The following FOXP1 variants were observed in gnomAD, a reference collection of about 807,000 sequenced individuals.
FOXP1 encodes the protein forkhead box P1, also known as forkhead box protein P1.
In FOXP1, 15 loss-of-function variants were observed where a neutral mutation model predicts 98.2. The ratio of observed to expected loss-of-function variants is 0.15; its 90% CI spans 0.10 to 0.24. The LOEUF (loss-of-function observed/expected upper bound fraction) is 0.24. FOXP1 is among the 10% of genes least tolerant of loss of function. The probability of loss-of-function intolerance (pLI) is 1.00; values close to 1 mark genes in which losing one functional copy is unlikely to be tolerated. For synonymous variants in FOXP1, 371 were observed against 314.5 expected (o/e 1.18, Z -1.90); for missense variants, 633 against 848.5 (o/e 0.75, Z 3.15).
intron 3 of FOXP1, among the ~76,000 whole-genome samples, chr3:71,468,056 A>G (rs1417856940): frequency 6.6e-6 from 1 of 152,176 alleles, no homozygotes; most frequent in Non-Finnish European, 1.5e-5. Context: ...TAAATATAAG[A>G]TCAAGATACC....
intron 5 of FOXP1, among the ~76,000 whole-genome samples, chr3:71,282,130 T>TGAA (rs2071636554): frequency 6.6e-6 from 1 of 151,704 alleles, no homozygotes; most frequent in Non-Finnish European, 1.5e-5. Flanking sequence ...CAAAGCTAAG[T>TGAA]GAAGATAAGC....
chr3:71,273,365 G>T (rs993645140), intron 5 of FOXP1, among the ~76,000 whole-genome samples: 1 of 152,102 alleles, frequency 6.6e-6, no homozygotes, highest in African/African-American at 2.4e-5. Flanking sequence ...CACTGTAACC[G>T]AATTGGACTC....
At chr3:71,024,481 A>G (rs1048706078) in intron 11 of FOXP1, among the ~76,000 whole-genome samples, 1 of 152,200 alleles carries the variant, frequency 6.6e-6, no homozygotes, top group Non-Finnish European at 1.5e-5. Context: ...ATTAAAGCCT[A>G]TTAAAGGGCC....
chr3:71,280,981 C>T lies in FOXP1; in HGVS notation c.-12+18839G>A, dbSNP rs114659315. 6.1e-3 allele frequency among the ~76,000 whole-genome samples: 905 copies of T among 147,514 alleles called. 4 individuals carry two copies. Among genetic ancestry groups the T allele is most frequent in the African/African-American group, 0.021 (849 of 39,774 alleles). On this transcript the variant is annotated intron_variant, in intron 5 of 20. Coordinates refer to ENST00000649528, the MANE Select transcript of FOXP1 (RefSeq NM_001349338.3). ...ATATACGAAGCAGCCCTTTCTAATTCCTTGTTAAAAAGGACAGATCCTACC... is the reference window on the plus strand; with the variant it reads ...ATATACGAAGCAGCCCTTTCTAATTTCTTGTTAAAAAGGACAGATCCTACC...
At chr3:71,334,009 G>A (rs1193684951) in intron 4 of FOXP1, 1 of 151,990 alleles carries the variant, frequency 6.6e-6, no homozygotes. Context: ...AAACTAGAAG[G>A]TTAAAATGAA....
intron 6 of FOXP1, among the ~76,000 whole-genome samples, chr3:71,164,275 C>A (rs1236665319): frequency 6.6e-6 from 1 of 152,142 alleles, no homozygotes; most frequent in African/African-American, 2.4e-5. Context: ...TCTCGGCTCA[C>A]TGCAAGCTCC....
intron 5 of FOXP1, among the ~76,000 whole-genome samples, chr3:71,282,974 G>T (rs2071723851): frequency 6.6e-6 from 1 of 152,150 alleles, no homozygotes; most frequent in Admixed American, 6.5e-5. Flanking sequence ...TGTTTTGAAA[G>T]GGTGGTAGCA....
rs9829852 is a variant in FOXP1 at position 71,395,617 on chromosome 3, T to C, written c.-167-36373A>G. 4.9e-3 allele frequency among the ~76,000 whole-genome samples: 747 copies of C among 152,260 alleles called. 9 individuals are homozygous for C. The highest frequency in any genetic ancestry group is 0.017 in the African/African-American group (693 of 41,538). ...AGCACTTTCCTCTGATACTGTTCTT[T>C]GTTGTTTGTTTAGTATCTGTACCCT... On this transcript the variant is annotated intron_variant, in intron 3 of 20. Coordinates refer to ENST00000649528, the MANE Select transcript of FOXP1 (RefSeq NM_001349338.3).
At chr3:71,150,269 T>C (rs1016148914) in intron 6 of FOXP1, among the ~76,000 whole-genome samples, 2 of 152,202 alleles carry the variant, frequency 1.3e-5, no homozygotes, top group East Asian at 3.8e-4. Flanking sequence ...AATGCATGCA[T>C]CTCTATTTTC....
intron 6 of FOXP1, among the ~76,000 whole-genome samples, chr3:71,190,658 A>AG (rs1553773562): frequency 6.7e-4 from 102 of 151,330 alleles, no homozygotes; most frequent in African/African-American, 2.4e-3. Context: ...AAAAAAAAAA[A>AG]AAAGAAAAAG....
chr3:70,977,040 G>A lies in FOXP1; in HGVS notation c.1431C>T (p.Ala477=), dbSNP rs2107299166. Residue 477 remains alanine (A), a splice_region_variant and synonymous_variant, in exon 17 of 21, where the codon GCC becomes GCT. Coordinates refer to ENST00000649528, the MANE Select transcript of FOXP1 (RefSeq NM_001349338.3). ...GCTGCTTTTCTGGAGATTCGAGAATGGCCTGTGAAGCAGAATGTAACAGAA... is the reference window on the plus strand; with the variant it reads ...GCTGCTTTTCTGGAGATTCGAGAATAGCCTGTGAAGCAGAATGTAACAGAA... ...PFTYASLIRQ[A]ILESPEKQLT... 1 of 1,600,478 alleles carries A rather than the reference G, an allele frequency of 6.2e-7. No individual in the cohort carries two copies. The highest frequency in any genetic ancestry group is 8.6e-7 in the Non-Finnish European group (1 of 1,167,594).
chr3:71,335,915 G>A (rs1182404704), intron 4 of FOXP1, among the ~76,000 whole-genome samples: 2 of 147,430 alleles, frequency 1.4e-5, no homozygotes, highest in South Asian at 2.2e-4. Context: ...TAAGGTAGGA[G>A]ACTCAGGCGG....
chr3:71,342,509 A>G (rs1364614240), intron 4 of FOXP1, among the ~76,000 whole-genome samples: 1 of 152,164 alleles, frequency 6.6e-6, no homozygotes, highest in Non-Finnish European at 1.5e-5. Context: ...CCTGACCAAC[A>G]AGGTGAAACC....
intron 2 of FOXP1, among the ~76,000 whole-genome samples, chr3:71,539,407 C>G (rs913868424): frequency 1.3e-5 from 2 of 151,030 alleles, no homozygotes; most frequent in Non-Finnish European, 2.9e-5. Context: ...AGGCGTGAGC[C>G]GCCGCGCTCG....
intron 1 of FOXP1, among the ~76,000 whole-genome samples, chr3:71,583,336 A>T (rs2048339996): frequency 6.6e-6 from 1 of 151,496 alleles, no homozygotes; most frequent in Non-Finnish European, 1.5e-5. Context: ...GCCCCCACCC[A>T]TCCCAGAGCT....
At chr3:71,527,632 C>T (rs2043497754) in intron 2 of FOXP1, among the ~76,000 whole-genome samples, 1 of 152,178 alleles carries the variant, frequency 6.6e-6, no homozygotes, top group African/African-American at 2.4e-5. Context: ...AGAGTGTAAC[C>T]AGCATCTGGT....
rs35600648 is a variant in FOXP1 at position 71,109,427 on chromosome 3, G to GTTT, written c.282+3106_282+3108dup. ...TCACAGTATATTTGGGGATTTGGGG[G>GTTT]TTTTTTTTTTTCCCTCAAGCTATCA... On this transcript the variant is annotated intron_variant, in intron 7 of 20. Transcript: ENST00000649528. Among the ~76,000 whole-genome samples, 39 of 147,564 alleles carry GTTT rather than the reference G, an allele frequency of 2.6e-4. 1 individual carries two copies. The highest frequency in any genetic ancestry group is 2.0e-3 in the Admixed American group (30 of 14,852).
intron 4 of FOXP1, among the ~76,000 whole-genome samples, chr3:71,326,988 G>A (rs1237642441): frequency 6.6e-6 from 1 of 152,126 alleles, no homozygotes; most frequent in East Asian, 1.9e-4. Context: ...AGGAAACTAA[G>A]GCCCAGCAAG....
chr3:71,129,581 T>C (rs1274416442), intron 6 of FOXP1, among the ~76,000 whole-genome samples: 1 of 152,028 alleles, frequency 6.6e-6, no homozygotes, highest in Non-Finnish European at 1.5e-5. Flanking sequence ...CTGACCACCA[T>C]ATAGTTAAAA....
Sources: gnomAD v4.1 joint callset for allele counts (sites outside exome capture counted in the v4.1 genomes callset) on GRCh38, gnomAD v4.1.1 for gene constraint, MANE v1.5 for transcripts, NCBI Gene and HGNC (gene_info 2026-07-23, HGNC 2026-07-21) for gene names.